The following ERG variants were observed in gnomAD, a reference collection of about 807,000 sequenced individuals.
The protein encoded by ERG is ETS transcription factor ERG.
A neutral mutation model predicts 55.3 loss-of-function variants in ERG; 9 were observed. The observed-to-expected ratio is 0.16, with a 90% CI of 0.10 to 0.28. ERG has a LOEUF of 0.28. Ranked by LOEUF, ERG falls within the 10% of genes least tolerant of loss-of-function variation. The pLI, the probability that ERG is intolerant of heterozygous loss-of-function variation, is 1.00. For missense variants in ERG, 434 were observed against 631.6 expected (o/e 0.69, Z 3.35); for synonymous variants, 223 against 237.3 (o/e 0.94, Z 0.55).
intron 2 of ERG, among the ~76,000 whole-genome samples, chr21:38,521,779 A>T (rs781526144): frequency 6.6e-6 from 1 of 152,142 alleles, no homozygotes; most frequent in Non-Finnish European, 1.5e-5. Flanking sequence ...TGCAACTCTA[A>T]CTGAATGGAC....
intron 2 of ERG, among the ~76,000 whole-genome samples, chr21:38,554,127 A>G (rs142842821): frequency 1.3e-5 from 2 of 152,338 alleles, no homozygotes; most frequent in African/African-American, 2.4e-5. Flanking sequence ...CAAAACCACC[A>G]TGAGATATCA....
At chr21:38,567,858 G>A (rs546833936) in intron 2 of ERG, among the ~76,000 whole-genome samples, 2 of 152,266 alleles carry the variant, frequency 1.3e-5, no homozygotes, top group Admixed American at 6.5e-5. Flanking sequence ...AAAAGAGCTC[G>A]GCTCATCTGC....
At chr21:38,658,945 C>T (rs996398377) in intron 1 of ERG, among the ~76,000 whole-genome samples, 2 of 152,278 alleles carry the variant, frequency 1.3e-5, no homozygotes, top group East Asian at 3.9e-4. Context: ...AAGATTAAAT[C>T]ACCAATAATT....
At chr21:38,452,577 ATTCT>A (rs1324989850) in intron 1 of ERG, among the ~76,000 whole-genome samples, 1 of 152,220 alleles carries the variant, frequency 6.6e-6, no homozygotes, top group Non-Finnish European at 1.5e-5. Flanking sequence ...ACTTTCAGAT[ATTCT>A]TTATCTTTAA....
chr21:38,618,734 G>C (rs2060273145), intron 1 of ERG, among the ~76,000 whole-genome samples: 2 of 152,198 alleles, frequency 1.3e-5, no homozygotes, highest in African/African-American at 4.8e-5. Context: ...CTGTGGGGCA[G>C]GAGACAGAGT....
chr21:38,492,845 T>A (rs1193474263), intron 1 of ERG, among the ~76,000 whole-genome samples: 1 of 152,130 alleles, frequency 6.6e-6, no homozygotes, highest in Non-Finnish European at 1.5e-5. Flanking sequence ...GAGGTCACAG[T>A]GGACCACTAG....
chr21:38,408,000 T>C (rs1423058279), intron 3 of ERG, among the ~76,000 whole-genome samples: 1 of 151,798 alleles, frequency 6.6e-6, no homozygotes, highest in East Asian at 1.9e-4. Context: ...AGTTTCAGTT[T>C]CTTTTATATT....
In ERG at chr21:38,564,011, C is replaced by T. The variant is rs781505895; in HGVS notation, c.-41+11651G>A. Among the ~76,000 whole-genome samples, 3 of 152,146 alleles carry T rather than the reference C, an allele frequency of 2.0e-5. No homozygotes were observed. In the South Asian group the frequency reaches 6.2e-4, roughly 32 times the overall value. ...GTAATCTTTTCTGATTGGTTTATGC[C>T]CCTTTCCAATTACTGTGTCCATGCT... On this transcript the variant is annotated intron_variant, in intron 2 of 8. Coordinates refer to the ERG transcript ENST00000398897.
chr21:38,580,459 C>G (rs1264011903), intron 1 of ERG, among the ~76,000 whole-genome samples: 1 of 152,134 alleles, frequency 6.6e-6, no homozygotes, highest in African/African-American at 2.4e-5. Context: ...ACTGTAGGAA[C>G]CTTTTTATTT....
At chr21:38,585,749 G>T (rs565528251), upstream of ERG, among the ~76,000 whole-genome samples, 1 of 151,894 alleles carries the variant, frequency 6.6e-6, no homozygotes, top group Non-Finnish European at 1.5e-5. Context: ...TTTCTAAATG[G>T]TTCCACAGGC....
chr21:38,545,112 C>T (rs2059779917), intron 2 of ERG, among the ~76,000 whole-genome samples: 1 of 152,134 alleles, frequency 6.6e-6, no homozygotes. Context: ...TCCTTAACTT[C>T]TTTTCATTCA....
intron 2 of ERG, among the ~76,000 whole-genome samples, chr21:38,551,626 A>C (rs1298227073): frequency 1.3e-5 from 2 of 152,218 alleles, no homozygotes; most frequent in Non-Finnish European, 2.9e-5. Context: ...ATTCAGGAGC[A>C]GGTTGTTCAA....
chr21:38,536,265 T>C (rs2059709507), intron 2 of ERG, among the ~76,000 whole-genome samples: 1 of 149,116 alleles, frequency 6.7e-6, no homozygotes, highest in South Asian at 2.2e-4. Flanking sequence ...TCAAGCCATA[T>C]CTCCACCTAG....
In ERG at chr21:38,512,223, G is replaced by A. The variant is rs958296396; in HGVS notation, c.-41+63439C>T. Among the ~76,000 whole-genome samples the A allele has an allele frequency of 2.6e-5, 4 of 152,144 alleles. No homozygotes were observed. In the South Asian group the frequency reaches 8.3e-4, roughly 32 times the overall value. On this transcript the variant is annotated intron_variant, in intron 2 of 8. Transcript: ENST00000398897. ...TAAGTGTAAACCATCCAAGAAAAGT[G>A]AAAACAGATTAAAGAAAATAAAAAT...
chr21:38,529,167 G>C (rs1234983557), intron 2 of ERG, among the ~76,000 whole-genome samples: 1 of 152,126 alleles, frequency 6.6e-6, no homozygotes, highest in Non-Finnish European at 1.5e-5. Flanking sequence ...CCACATTGCC[G>C]AGGGAAGTAT....
intron 1 of ERG, among the ~76,000 whole-genome samples, chr21:38,497,981 C>T (rs952493580): frequency 6.6e-6 from 1 of 152,318 alleles, no homozygotes; most frequent in Non-Finnish European, 1.5e-5. Flanking sequence ...CATTCACAAA[C>T]GCATCTTTTG....
At chr21:38,453,831 C>CTGAG (rs1190819633) in intron 1 of ERG, among the ~76,000 whole-genome samples, 2 of 146,172 alleles carry the variant, frequency 1.4e-5, no homozygotes, top group Non-Finnish European at 3.0e-5. Context: ...CTGCAGTGAG[C>CTGAG]TGAGATCGCG....
chr21:38,564,910 A>G (rs1013533308), intron 2 of ERG, among the ~76,000 whole-genome samples: 2 of 152,114 alleles, frequency 1.3e-5, no homozygotes, highest in African/African-American at 4.8e-5. Context: ...AATCACAAAT[A>G]TATCTCTCAC....
intron 1 of ERG, among the ~76,000 whole-genome samples, chr21:38,614,089 T>TTCA (rs1263607735): frequency 6.6e-6 from 1 of 152,174 alleles, no homozygotes; most frequent in African/African-American, 2.4e-5. Context: ...TCCCTCAGGC[T>TTCA]TCATATGCAA....
Sources: gnomAD v4.1 joint callset for allele counts (sites outside exome capture counted in the v4.1 genomes callset) on GRCh38, gnomAD v4.1.1 for gene constraint, MANE v1.5 for transcripts, NCBI Gene and HGNC (gene_info 2026-07-23, HGNC 2026-07-21) for gene names.